The following DCAF8L2 variants were observed in gnomAD, a reference collection of about 807,000 sequenced individuals.
DCAF8L2 encodes DDB1 and CUL4 associated factor 8 like 2, also known as DDB1- and CUL4-associated factor 8-like protein 2.
For missense variants in DCAF8L2, 430 were observed against 490.7 expected (o/e 0.88, Z 1.17); for synonymous variants, 200 against 190.9 (o/e 1.05, Z -0.39).
At chrX:27,531,633 A>G in the DCAF8L2 span, among the ~76,000 whole-genome samples, 1 of 112,203 alleles carries the variant, frequency 8.9e-6, no homozygotes, top group South Asian at 3.7e-4. Flanking sequence ...TGTCTGAGAA[A>G]TAGAGAACAT....
intron 4 of DCAF8L2, among the ~76,000 whole-genome samples, chrX:27,721,491 T>C (rs1418149264): frequency 9.0e-6 from 1 of 111,716 alleles, no homozygotes; most frequent in Non-Finnish European, 1.9e-5. Flanking sequence ...ATTCACCTAA[T>C]AATTTTTTAG....
At chrX:27,602,658 C>T (rs932562098) in intron 1 of DCAF8L2, among the ~76,000 whole-genome samples, 1 of 111,396 alleles carries the variant, frequency 9.0e-6, no homozygotes, top group South Asian at 3.7e-4. Flanking sequence ...AATAGATATA[C>T]AATTTATAAA....
chrX:27,692,738 G>C (rs1417614089), intron 3 of DCAF8L2, among the ~76,000 whole-genome samples: 1 of 111,546 alleles, frequency 9.0e-6, no homozygotes, highest in East Asian at 2.8e-4. Flanking sequence ...GTTTTCAACT[G>C]TGGTGACTAT....
At chrX:27,559,854 C>G in the DCAF8L2 span, among the ~76,000 whole-genome samples, 1 of 112,051 alleles carries the variant, frequency 8.9e-6, no homozygotes, top group Non-Finnish European at 1.9e-5. Flanking sequence ...TAACAACTTA[C>G]TTTTGTCAAT....
the DCAF8L2 span, among the ~76,000 whole-genome samples, chrX:27,562,864 A>T: frequency 8.9e-6 from 1 of 112,125 alleles, no homozygotes; most frequent in Non-Finnish European, 1.9e-5. Flanking sequence ...CTCGAAAGCT[A>T]AGCATCAGAT....
At chrX:27,662,649 C>T (rs994136627) in intron 2 of DCAF8L2, among the ~76,000 whole-genome samples, 2 of 111,721 alleles carry the variant, frequency 1.8e-5, no homozygotes, top group Non-Finnish European at 3.8e-5. Flanking sequence ...TCTCTTCGTG[C>T]ACATGTCTAA....
the DCAF8L2 span, chrX:27,519,728 C>T: frequency 1.8e-6 from 1 of 567,691 alleles, no homozygotes; most frequent in Non-Finnish European, 3.2e-6. Context: ...CAACTTCAGG[C>T]ATTAAGTTCA....
At chrX:27,704,879 T>C (rs1931290014) in intron 3 of DCAF8L2, among the ~76,000 whole-genome samples, 2 of 110,825 alleles carry the variant, frequency 1.8e-5, no homozygotes, top group African/African-American at 6.6e-5. Flanking sequence ...GGAAACTGCA[T>C]GTCACAAAGA....
the DCAF8L2 span, among the ~76,000 whole-genome samples, chrX:27,571,285 C>A: frequency 1.8e-5 from 2 of 111,672 alleles, no homozygotes; most frequent in East Asian, 2.8e-4. Flanking sequence ...AAAGATTTGA[C>A]CTTTGCCTCC....
chrX:27,648,808 G>A (rs1397102201), intron 2 of DCAF8L2, among the ~76,000 whole-genome samples: 1 of 111,178 alleles, frequency 9.0e-6, no homozygotes, highest in African/African-American at 3.3e-5. Context: ...TAGGATTTAT[G>A]TAAAATGGAA....
chrX:27,588,670 C>A (rs1925962698), upstream of DCAF8L2, among the ~76,000 whole-genome samples: 1 of 110,459 alleles, frequency 9.1e-6, no homozygotes, highest in African/African-American at 3.3e-5. Flanking sequence ...TTAACAGTAG[C>A]CATTCTGACA....
chrX:27,520,837 T>C, the DCAF8L2 span, among the ~76,000 whole-genome samples: 1 of 112,196 alleles, frequency 8.9e-6, no homozygotes, highest in Non-Finnish European at 1.9e-5. Flanking sequence ...ATTTTCTTCC[T>C]AGAAATTTCT....
chrX:27,561,641 A>G, the DCAF8L2 span, among the ~76,000 whole-genome samples: 2 of 111,353 alleles, frequency 1.8e-5, no homozygotes, highest in African/African-American at 6.5e-5. Flanking sequence ...CTCTATGAAT[A>G]TATCTGTTCT....
In DCAF8L2 at chrX:27,747,956, C is replaced by T; in HGVS notation, c.1061C>T (p.Ala354Val). Residue 354 changes from alanine to valine, a missense_variant, in exon 5 of 5, where the codon GCT becomes GTT. By Grantham distance (64) the Ala-to-Val change is moderately conservative. Coordinates refer to ENST00000451261, the MANE Select transcript of DCAF8L2 (RefSeq NM_001353450.2). ...FTIDLRQDRP[A>V]SKVVVTREND... ...ATTGACCTCAGACAAGACCGGCCAG[C>T]TTCAAAAGTTGTGGTAACAAGAGAA... 1 of 1,211,688 alleles carries T rather than the reference C, an allele frequency of 8.3e-7. No homozygotes were observed. The highest frequency in any genetic ancestry group is 1.1e-6 in the Non-Finnish European group (1 of 895,475).
At chrX:27,496,225 A>T in the DCAF8L2 span, among the ~76,000 whole-genome samples, 1 of 111,916 alleles carries the variant, frequency 8.9e-6, no homozygotes, top group African/African-American at 3.2e-5. Context: ...ATTATATAGA[A>T]ATGCAATTGA....
At chrX:27,679,316 C>CT (rs58044394) in intron 3 of DCAF8L2, among the ~76,000 whole-genome samples, 29,847 of 105,217 alleles carry the variant, frequency 0.28, 3,837 homozygotes, top group Middle Eastern at 0.46. Flanking sequence ...CCAGTTTGAG[C>CT]TTTTTTTTTT....
chrX:27,592,523 G>A (rs1926157868), intron 1 of DCAF8L2, among the ~76,000 whole-genome samples: 3 of 104,604 alleles, frequency 2.9e-5, no homozygotes, highest in African/African-American at 6.9e-5. Context: ...CGCAACCTCC[G>A]CCTCCTGGGT....
At chrX:27,581,592 T>TC in the DCAF8L2 span, among the ~76,000 whole-genome samples, 3 of 107,364 alleles carry the variant, frequency 2.8e-5, no homozygotes, top group African/African-American at 1.0e-4. Flanking sequence ...TAATACAATT[T>TC]TTTTTTTTTT....
intron 3 of DCAF8L2, among the ~76,000 whole-genome samples, chrX:27,692,202 C>G (rs1930737027): frequency 8.9e-6 from 1 of 111,734 alleles, no homozygotes; most frequent in Admixed American, 9.5e-5. Flanking sequence ...TACAAAATTG[C>G]TTGTCATTGA....
Sources: gnomAD v4.1 joint callset for allele counts (sites outside exome capture counted in the v4.1 genomes callset) on GRCh38, gnomAD v4.1.1 for gene constraint, MANE v1.5 for transcripts, NCBI Gene and HGNC (gene_info 2026-07-23, HGNC 2026-07-21) for gene names.